THUMPD3: variants seen among roughly 807,000 people sequenced by gnomAD.
THUMPD3 encodes the protein THUMP domain 3 tRNA guanosine methyltransferase.
Under a neutral mutation model 54.5 loss-of-function variants are expected in THUMPD3, and 44 were observed. The ratio of observed to expected loss-of-function variants is 0.81; its 90% CI spans 0.63 to 1.04. The LOEUF is 1.04. Among genes scored for constraint, THUMPD3 ranks in the 50% least tolerant of loss-of-function variants. The pLI, the probability that THUMPD3 is intolerant of heterozygous loss-of-function variation, is 0.00. For missense variants in THUMPD3, 604 were observed against 601.3 expected (o/e 1.00, Z -0.05); for synonymous variants, 196 against 201.4 (o/e 0.97, Z 0.23).
Position 9,386,668 on chromosome 3 carries a change from C to G in THUMPD3, c.*1980C>G, listed in dbSNP as rs533833669. 6.6e-6 allele frequency: 1 copy of G among 151,988 alleles called. No individual in the cohort carries two copies. Among genetic ancestry groups the G allele is most frequent in the South Asian group, 2.1e-4 (1 of 4,818 alleles). The allele number at this position is 151,988 out of a possible 1,614,324, so 9.4% of individuals were successfully genotyped here. A position where few individuals can be genotyped will look rare whatever the true frequency, so the allele number is the denominator to read the frequency against. ...TAAGCAGGATTCATAAGGCCTGGAGCTGAGTTATATGTGACACTGCCACCT... is the reference window on the plus strand; with the variant it reads ...TAAGCAGGATTCATAAGGCCTGGAGGTGAGTTATATGTGACACTGCCACCT... On this transcript the variant is annotated 3_prime_UTR_variant, in exon 10 of 10. Coordinates refer to ENST00000452837, the MANE Select transcript of THUMPD3 (RefSeq NM_001114092.2).
At chr3:9,377,673 C>T in intron 5 of THUMPD3, 146 bp from the exon 6 acceptor site, 1 of 590,142 alleles carries the variant, frequency 1.7e-6, no homozygotes, top group South Asian at 2.2e-5. Flanking sequence ...CCGTGCGCGG[C>T]CACAAATTGA....
At position 9,367,005 on chromosome 3, in the gene THUMPD3, G is replaced by A; in HGVS notation, c.330+20G>A. 6.3e-7 allele frequency: 1 copy of A among 1,591,212 alleles called. No homozygotes were observed. The highest frequency in any genetic ancestry group is 8.6e-7 in the Non-Finnish European group (1 of 1,168,244). On this transcript the variant is annotated intron_variant, in intron 3 of 9. Coordinates refer to ENST00000452837, the MANE Select transcript of THUMPD3 (RefSeq NM_001114092.2). ...ACAAAGGTGAGCTATCCTAAACATG[G>A]TGGCTGATTTTTGGCTGTCTTCCAC...
In THUMPD3 at chr3:9,370,506, G is replaced by A. The variant is rs529144562; in HGVS notation, c.331-554G>A. Among the ~76,000 whole-genome samples the A allele has an allele frequency of 7.9e-5, 12 of 152,268 alleles. 1 individual carries two copies. The highest frequency in any genetic ancestry group is 2.4e-4 in the African/African-American group (10 of 41,552). ...GTTGTCTAAGCTGGAGTGCATTGGC[G>A]TGATCATAGCTCATTGGAGCCTTGA... On this transcript the variant is annotated intron_variant, in intron 3 of 9. Transcript: ENST00000452837.
In THUMPD3 at chr3:9,368,102, A is replaced by T. The variant is rs568197457; in HGVS notation, c.330+1117A>T. Among the ~76,000 whole-genome samples, 3 of 152,256 alleles carry T rather than the reference A, an allele frequency of 2.0e-5. No individual in the cohort carries two copies. The East Asian group carries it at 5.8e-4, about 29-fold the overall frequency. On this transcript the variant is annotated intron_variant, in intron 3 of 9. Coordinates refer to ENST00000452837, the MANE Select transcript of THUMPD3 (RefSeq NM_001114092.2). ...CAGACTGAAAATAGATAAAAATTGT[A>T]TTAAGTAAAAATCTAACTTTTAGAA...
At chr3:9,384,498 T>C (rs2033185828) in intron 9 of THUMPD3, 26 bp from the exon 10 acceptor site, 3 of 1,612,286 alleles carry the variant, frequency 1.9e-6, no homozygotes, top group Non-Finnish European at 1.7e-6. Flanking sequence ...GTCAACCTAA[T>C]TGTTATTTTT....
At chr3:9,375,280 C>T (rs1435777226) in intron 5 of THUMPD3, among the ~76,000 whole-genome samples, 4 of 152,102 alleles carry the variant, frequency 2.6e-5, no homozygotes, top group African/African-American at 9.7e-5. Context: ...CATTTCTGTG[C>T]AGTGAAAAAG....
chr3:9,364,670 A>G (rs115869489), intron 1 of THUMPD3, among the ~76,000 whole-genome samples: 323 of 152,310 alleles, frequency 2.1e-3, no homozygotes, highest in African/African-American at 6.5e-3. Flanking sequence ...TTAACTAACC[A>G]TGTTCTTAAC....
chr3:9,365,590 C>CT (rs551647536), intron 2 of THUMPD3, among the ~76,000 whole-genome samples: 68 of 148,622 alleles, frequency 4.6e-4, no homozygotes, highest in Middle Eastern at 3.5e-3. Flanking sequence ...TTGAGCATTT[C>CT]TTTTTTTTTT....
Position 9,385,046 on chromosome 3 carries a change from T to G in THUMPD3, c.*358T>G, listed in dbSNP as rs1253388385. On this transcript the variant is annotated 3_prime_UTR_variant, in exon 10 of 10. Transcript: ENST00000452837. Reference sequence around the variant, plus strand: ...TCCCAACTACTCAGGAGGCTGAGGCTAGAGAATCACTTGAACCCAGCAGGC... The same window carrying G: ...TCCCAACTACTCAGGAGGCTGAGGCGAGAGAATCACTTGAACCCAGCAGGC... The G allele has an allele frequency of 5.1e-6, 1 of 197,744 alleles. No homozygotes were observed. Among genetic ancestry groups the G allele is most frequent in the Non-Finnish European group, 1.1e-5 (1 of 94,014 alleles). The allele number at this position is 197,744 out of a possible 1,614,324, so 12.2% of individuals were successfully genotyped here.
rs774839377 is a variant in THUMPD3, at chr3:9,371,256, C to CT, written c.528dup (p.Ser177Ter). 2 of 1,612,990 alleles carry CT rather than the reference C, an allele frequency of 1.2e-6. No individual in the cohort carries two copies. The highest frequency in any genetic ancestry group is 1.7e-6 in the Non-Finnish European group (2 of 1,179,788). Reference sequence around the variant, plus strand: ...CAGAGAAATGTTAAAAAAGAGTTCACTAGCCATGCTTTAGATTCTCATATC... The same window carrying CT: ...CAGAGAAATGTTAAAAAAGAGTTCACTTAGCCATGCTTTAGATTCTCATATC... On this transcript the variant is annotated frameshift_variant, in exon 4 of 10. Coordinates refer to ENST00000452837, the MANE Select transcript of THUMPD3 (RefSeq NM_001114092.2). LOFTEE classifies it high-confidence loss of function.
At chr3:9,370,327 G>T (rs2031927684) in intron 3 of THUMPD3, among the ~76,000 whole-genome samples, 1 of 152,176 alleles carries the variant, frequency 6.6e-6, no homozygotes, top group Admixed American at 6.6e-5. Flanking sequence ...TCTGTTGAAT[G>T]GCATGAGTTC....
chr3:9,363,910 A>G (rs1236124214), intron 1 of THUMPD3: 2 of 129,068 alleles, frequency 1.5e-5, no homozygotes, highest in Non-Finnish European at 1.6e-5. Context: ...CCAGGCGCCC[A>G]CCACCACGCC....
intron 2 of THUMPD3, 83 bp downstream of exon 2, chr3:9,365,403 C>A: frequency 6.6e-7 from 1 of 1,506,132 alleles, no homozygotes; most frequent in Non-Finnish European, 9.0e-7. Flanking sequence ...CTTCTGGAAT[C>A]CTTTCTGATT....
At chr3:9,373,202 C>G (rs2032194915) in intron 4 of THUMPD3, among the ~76,000 whole-genome samples, 1 of 152,022 alleles carries the variant, frequency 6.6e-6, no homozygotes, top group Admixed American at 6.6e-5. Context: ...TGGTTTAAAT[C>G]CCAGAGGAGG....
chr3:9,380,196 G>A (rs939236414), intron 6 of THUMPD3, among the ~76,000 whole-genome samples: 68 of 152,106 alleles, frequency 4.5e-4, no homozygotes, highest in Middle Eastern at 3.2e-3. Context: ...ATAATTAACC[G>A]TGGGACAAGT....
rs2031994851 is a variant in THUMPD3 at position 9,371,045 on chromosome 3, C to G, written c.331-15C>G. The G allele has an allele frequency of 1.3e-6, 2 of 1,524,086 alleles. No homozygotes were observed. The highest frequency in any genetic ancestry group is 1.8e-6 in the Non-Finnish European group (2 of 1,136,880). The allele number at this position is 1,524,086 out of a possible 1,614,324, so 94.4% of individuals were successfully genotyped here. ...TGGTGAGAAATGAATGAATTTCTTT[C>G]TCTGTCCTTTACAGGAAGAAGTTCT... is the stretch of plus-strand genomic sequence containing the variant. On this transcript the variant is annotated splice_polypyrimidine_tract_variant and intron_variant, in intron 3 of 9. Coordinates refer to ENST00000452837, the MANE Select transcript of THUMPD3 (RefSeq NM_001114092.2).
At chr3:9,375,065 G>A (rs1384829592) in intron 5 of THUMPD3, among the ~76,000 whole-genome samples, 2 of 151,992 alleles carry the variant, frequency 1.3e-5, no homozygotes, top group Non-Finnish European at 2.9e-5. Context: ...CTATGTTGGC[G>A]AGGCTGGTCT....
chr3:9,379,425 A>T (rs2032709747), intron 6 of THUMPD3, among the ~76,000 whole-genome samples: 1 of 152,180 alleles, frequency 6.6e-6, no homozygotes, highest in Admixed American at 6.5e-5. Context: ...ATGGATGAGA[A>T]GTATGTTACT....
rs2031437312 is a variant in THUMPD3 at position 9,365,234 on chromosome 3, G to C, written c.166G>C (p.Val56Leu). 6.2e-7 allele frequency: 1 copy of C among 1,614,230 alleles called. No individual in the cohort carries two copies. Among genetic ancestry groups the C allele is most frequent in the African/African-American group, 1.3e-5 (1 of 75,064 alleles). The change falls in exon 2 of 10, where the codon GTC (valine) becomes CTC (leucine). Residue 56 changes from valine to leucine, a missense_variant. Coordinates refer to ENST00000452837, the MANE Select transcript of THUMPD3 (RefSeq NM_001114092.2). ...CTTTGAGCAAACAGCTGCAGATGAA[G>C]TCAGAGAGAAACTTGGGTCATCATG... ...TGFEQTAADE[V>L]REKLGSSCKI...
Sources: allele counts gnomAD v4.1 joint callset (sites outside exome capture counted in the v4.1 genomes callset), GRCh38; gene constraint gnomAD v4.1.1; transcripts MANE v1.5; gene names NCBI Gene and HGNC (gene_info 2026-07-23, HGNC 2026-07-21).